MDN1: variants seen among roughly 807,000 people sequenced by gnomAD.
MDN1 encodes the protein midasin.
MDN1 carries 266 observed loss-of-function variants against 669.2 expected under a neutral mutation model. The ratio of observed to expected loss-of-function variants is 0.40; its 90% CI spans 0.36 to 0.44. The LOEUF is 0.44. Ranked by LOEUF, MDN1 falls within the 20% of genes least tolerant of loss-of-function variation. The probability of loss-of-function intolerance (pLI) is 1.00; values close to 1 mark genes in which losing one functional copy is unlikely to be tolerated. For missense variants in MDN1, 5,940 were observed against 6,754.0 expected (o/e 0.88, Z 4.22); for synonymous variants, 2,385 against 2,457.1 (o/e 0.97, Z 0.87).
At chr6:89,700,615 T>C in intron 56 of MDN1, 31 bp downstream of exon 56, 1 of 1,599,178 alleles carries the variant, frequency 6.3e-7, no homozygotes, top group South Asian at 1.1e-5. Context: ...TCAGAGCATC[T>C]GTCAGCTAGC....
At position 89,734,589 on chromosome 6, in the gene MDN1, G is replaced by C. The variant is rs543889133; in HGVS notation, c.4724-1814C>G. On this transcript the variant is annotated intron_variant, in intron 33 of 101. Transcript: ENST00000369393. ...GTGGGAGAATGGTTTGAGCCTGGGAGGCAGAAGTTGCAGTGAGTCAATATT... is the reference window on the plus strand; with the variant it reads ...GTGGGAGAATGGTTTGAGCCTGGGACGCAGAAGTTGCAGTGAGTCAATATT... 1.6e-4 allele frequency among the ~76,000 whole-genome samples: 24 copies of C among 151,166 alleles called. No homozygotes were observed. The South Asian group carries it at 5.0e-3, about 32-fold the overall frequency.
intron 33 of MDN1, among the ~76,000 whole-genome samples, chr6:89,733,079 CA>C (rs1438557173): frequency 6.6e-6 from 1 of 152,126 alleles, no homozygotes; most frequent in Non-Finnish European, 1.5e-5. Context: ...TGAGTTCGGA[CA>C]CAGTTTTGAA....
Position 89,689,885 on chromosome 6 carries a change from A to G in MDN1, c.11008T>C (p.Phe3670Leu). The change falls in exon 65 of 102, where the codon TTC (phenylalanine) becomes CTC (leucine). Residue 3670 changes from phenylalanine (F) to leucine (L), a missense_variant. Transcript: ENST00000369393. Reference protein sequence around the residue: ...YQTGASLVTHFYPLMGVELND... With the variant: ...YQTGASLVTHLYPLMGVELND... ...ACTACCATACCCATCAGGGGGTAGA[A>G]GTGTGTCACAAGCGATGCCCCAGTC... 1 of 1,614,102 alleles carries G rather than the reference A, an allele frequency of 6.2e-7. No individual in the cohort carries two copies. Among genetic ancestry groups the G allele is most frequent in the Non-Finnish European group, 8.5e-7 (1 of 1,180,020 alleles).
chr6:89,807,632 A>G (rs904309932), intron 1 of MDN1, among the ~76,000 whole-genome samples: 6 of 152,120 alleles, frequency 3.9e-5, no homozygotes, highest in African/African-American at 1.4e-4. Context: ...AACTTTAGAA[A>G]TTTTGAGATT....
chr6:89,688,464 T>C, intron 66 of MDN1, 109 bp downstream of exon 66: 1 of 963,316 alleles, frequency 1.0e-6, no homozygotes, highest in Non-Finnish European at 1.5e-6. Context: ...TTTAAGCCTT[T>C]GTTTATATGT....
chr6:89,721,075 C>T (rs1189362742), intron 40 of MDN1, among the ~76,000 whole-genome samples: 1 of 152,208 alleles, frequency 6.6e-6, no homozygotes, highest in Non-Finnish European at 1.5e-5. Context: ...GAGGTCAAGG[C>T]TACATTAAGC....
intron 9 of MDN1, among the ~76,000 whole-genome samples, chr6:89,782,384 C>G (rs1172803309): frequency 6.6e-6 from 1 of 151,882 alleles, no homozygotes; most frequent in Non-Finnish European, 1.5e-5. Flanking sequence ...TTGCCTGAGT[C>G]CAAGAGTTTG....
intron 73 of MDN1, among the ~76,000 whole-genome samples, chr6:89,682,382 C>T (rs1406409044): frequency 2.6e-5 from 4 of 152,132 alleles, no homozygotes; most frequent in Admixed American, 6.5e-5. Context: ...AATCCCAGCT[C>T]GTTGGGAGGC....
chr6:89,745,380 C>T lies in MDN1; in HGVS notation c.4071G>A (p.Glu1357=), dbSNP rs1816553894. Residue 1357 remains glutamate (E), a synonymous_variant, in exon 29 of 102, where the codon GAG becomes GAA. Coordinates refer to ENST00000369393, the MANE Select transcript of MDN1 (RefSeq NM_014611.3). ...GKLSTQISTL[E]CNFGHIVWTE... ...TCCACACGATATGGCCAAAGTTACA[C>T]TCCAATGTGGATATCTGAGTAGACA... 2 of 1,613,958 alleles carry T rather than the reference C, an allele frequency of 1.2e-6. No individual in the cohort carries two copies. The highest frequency in any genetic ancestry group is 3.3e-5 in the Admixed American group (2 of 60,008).
At position 89,696,031 on chromosome 6, in the gene MDN1, G is replaced by A. The variant is rs1427838445; in HGVS notation, c.9384-39C>T. 9 of 1,556,174 alleles carry A rather than the reference G, an allele frequency of 5.8e-6. No homozygotes were observed. The Admixed American group carries it at 1.1e-4, about 20-fold the overall frequency. On this transcript the variant is annotated intron_variant, in intron 60 of 101. Coordinates refer to ENST00000369393, the MANE Select transcript of MDN1 (RefSeq NM_014611.3). ...AAGAAAGCACTGAAAGGTTTGTACT[G>A]TATCAAAAAGCATTCCTTTTCATAC... is the stretch of plus-strand genomic sequence containing the variant.
Position 89,730,862 on chromosome 6 carries a change from T to G in MDN1, c.5004A>C (p.Leu1668=). ...LLARKECLKF[L]IKRLAKIVRL... is the part of the protein sequence containing the mutation. ...GTACTATCTTGGCAAGCCTCTTGAT[T>G]AGAAATTTCAGACATTCTTTTCGTG... is the stretch of plus-strand genomic sequence containing the variant. Residue 1668 remains leucine (L), a synonymous_variant, in exon 35 of 102, where the codon CTA becomes CTC. Coordinates refer to ENST00000369393, the MANE Select transcript of MDN1 (RefSeq NM_014611.3). 1.2e-6 allele frequency: 2 copies of G among 1,614,096 alleles called. No individual in the cohort carries two copies. The highest frequency in any genetic ancestry group is 1.7e-6 in the Non-Finnish European group (2 of 1,179,988).
At chr6:89,797,496 G>T (rs1428203696) in intron 2 of MDN1, 2 of 246,910 alleles carry the variant, frequency 8.1e-6, no homozygotes, top group South Asian at 4.3e-5. Flanking sequence ...GTATGTGGTT[G>T]TTGGCTGCAA....
chr6:89,701,481 G>A, intron 55 of MDN1, 77 bp downstream of exon 55: 2 of 1,537,940 alleles, frequency 1.3e-6, no homozygotes, highest in South Asian at 2.4e-5. Flanking sequence ...CTTATACAAT[G>A]TCAGTTCCCA....
intron 36 of MDN1, 109 bp from the exon 37 acceptor site, chr6:89,728,064 T>G: frequency 7.7e-7 from 1 of 1,302,454 alleles, no homozygotes; most frequent in Non-Finnish European, 1.0e-6. Flanking sequence ...ACCACTACTC[T>G]TCCTTCCTAC....
chr6:89,779,831 C>T (rs1392589258), intron 11 of MDN1, among the ~76,000 whole-genome samples: 4 of 152,092 alleles, frequency 2.6e-5, no homozygotes, highest in Admixed American at 6.5e-5. Flanking sequence ...TCTGGGAGGC[C>T]GACGTGGGTG....
intron 11 of MDN1, among the ~76,000 whole-genome samples, chr6:89,778,248 C>T (rs1037824084): frequency 6.7e-6 from 1 of 149,772 alleles, no homozygotes; most frequent in Non-Finnish European, 1.5e-5. Flanking sequence ...CTGCAAATTG[C>T]TTTCGTCTCA....
intron 15 of MDN1, among the ~76,000 whole-genome samples, chr6:89,763,066 TA>T (rs1279485786): frequency 2.0e-5 from 3 of 150,586 alleles, no homozygotes; most frequent in African/African-American, 7.3e-5. Flanking sequence ...AAAATAAAAG[TA>T]AAAAAAAATT....
intron 63 of MDN1, among the ~76,000 whole-genome samples, chr6:89,691,511 C>A (rs764583257): frequency 3.9e-5 from 6 of 152,030 alleles, no homozygotes; most frequent in Non-Finnish European, 8.8e-5. Context: ...AGCTGTGAGA[C>A]TATTTACTGT....
intron 15 of MDN1, among the ~76,000 whole-genome samples, chr6:89,771,179 C>G (rs1398089544): frequency 6.6e-6 from 1 of 152,106 alleles, no homozygotes; most frequent in East Asian, 1.9e-4. Flanking sequence ...AACACAAGAC[C>G]AGAAGAATGA....
Sources: gnomAD v4.1 joint callset for allele counts (sites outside exome capture counted in the v4.1 genomes callset) on GRCh38, gnomAD v4.1.1 for gene constraint, MANE v1.5 for transcripts, NCBI Gene and HGNC (gene_info 2026-07-23, HGNC 2026-07-21) for gene names.